The following MATCAP2 variants were observed in gnomAD, a reference collection of about 807,000 sequenced individuals.
MATCAP2 encodes the protein putative tyrosine carboxypeptidase MATCAP2.
chr7:36,373,924 A>G, the MATCAP2 span, among the ~76,000 whole-genome samples: 1 of 152,106 alleles, frequency 6.6e-6, no homozygotes, highest in Non-Finnish European at 1.5e-5. Context: ...AGCTGGGACT[A>G]CAGGTGCCAG....
At chr7:36,357,456 T>A in the MATCAP2 span, 1 of 1,614,110 alleles carries the variant, frequency 6.2e-7, no homozygotes, top group East Asian at 2.2e-5. Flanking sequence ...TAACTACTGG[T>A]TCCAGTTGTG....
chr7:36,374,348 G>C, the MATCAP2 span, among the ~76,000 whole-genome samples: 1 of 151,860 alleles, frequency 6.6e-6, no homozygotes, highest in Non-Finnish European at 1.5e-5. Context: ...CCAAAGTGCT[G>C]GGATTATAGG....
the MATCAP2 span, among the ~76,000 whole-genome samples, chr7:36,351,585 G>A: frequency 6.6e-6 from 1 of 151,896 alleles, no homozygotes; most frequent in African/African-American, 2.4e-5. Context: ...ATATATCTGA[G>A]GTTTCCAATA....
At chr7:36,379,843 C>CAGAGAGAGAGAGAGAGAG in the MATCAP2 span, among the ~76,000 whole-genome samples, 10 of 127,472 alleles carry the variant, frequency 7.8e-5, no homozygotes, top group East Asian at 2.7e-4. Flanking sequence ...CACACACACA[C>CAGAGAGAGAGAGAGAGAG]ACACAGAGAG....
chr7:36,349,180 A>G, the MATCAP2 span, among the ~76,000 whole-genome samples: 1 of 152,142 alleles, frequency 6.6e-6, no homozygotes, highest in East Asian at 1.9e-4. Flanking sequence ...TTTTTTGAAG[A>G]GGTGAGATGA....
the MATCAP2 span, among the ~76,000 whole-genome samples, chr7:36,387,871 G>A: frequency 6.6e-6 from 1 of 152,070 alleles, no homozygotes; most frequent in Non-Finnish European, 1.5e-5. Flanking sequence ...TTCCAACGTT[G>A]TTTAAAACAC....
chr7:36,345,431 G>C, the MATCAP2 span, among the ~76,000 whole-genome samples: 5 of 151,914 alleles, frequency 3.3e-5, no homozygotes, highest in Admixed American at 3.3e-4. Flanking sequence ...CAGAGACCTG[G>C]AATCTAGAGC....
chr7:36,390,226 G>T, the MATCAP2 span: 3 of 941,390 alleles, frequency 3.2e-6, no homozygotes, highest in Admixed American at 5.2e-5. Flanking sequence ...GTTCCTCTGA[G>T]ATTTTGTTGT....
the MATCAP2 span, among the ~76,000 whole-genome samples, chr7:36,386,194 G>T: frequency 6.6e-6 from 1 of 151,990 alleles, no homozygotes; most frequent in Admixed American, 6.6e-5. Flanking sequence ...GATAAAAGTG[G>T]CATTACAGGT....
the MATCAP2 span, among the ~76,000 whole-genome samples, chr7:36,342,629 T>C: frequency 6.6e-6 from 1 of 152,002 alleles, no homozygotes; most frequent in Non-Finnish European, 1.5e-5. Context: ...TGAGTAATTT[T>C]TTTGTTTGTT....
chr7:36,349,764 G>A, the MATCAP2 span, among the ~76,000 whole-genome samples: 1 of 152,178 alleles, frequency 6.6e-6, no homozygotes, highest in Non-Finnish European at 1.5e-5. Flanking sequence ...GTAAGAACCT[G>A]AGAATGTACA....
the MATCAP2 span, among the ~76,000 whole-genome samples, chr7:36,360,760 G>A: frequency 1.3e-5 from 2 of 152,064 alleles, no homozygotes; most frequent in African/African-American, 4.8e-5. Context: ...AACACTAAGA[G>A]GCCGATAACA....
chr7:36,379,872 A>AGAGAGG, the MATCAP2 span, among the ~76,000 whole-genome samples: 1 of 151,562 alleles, frequency 6.6e-6, no homozygotes, highest in African/African-American at 2.4e-5. Context: ...AGAGAGAGAG[A>AGAGAGG]GAGAATATAA....
the MATCAP2 span, chr7:36,355,057 T>C: frequency 1.3e-5 from 2 of 152,244 alleles, no homozygotes; most frequent in Non-Finnish European, 2.9e-5. Flanking sequence ...CAGCCATCTC[T>C]TTCAGCATCA....
the MATCAP2 span, among the ~76,000 whole-genome samples, chr7:36,327,541 A>G: frequency 1.3e-5 from 2 of 152,362 alleles, no homozygotes; most frequent in East Asian, 3.9e-4. Flanking sequence ...TGTGTGAGAG[A>G]GACTCTAAAA....
chr7:36,362,479 T>C, the MATCAP2 span, among the ~76,000 whole-genome samples: 1 of 152,228 alleles, frequency 6.6e-6, no homozygotes, highest in African/African-American at 2.4e-5. Context: ...GTAGTCTAGA[T>C]ACCCTTGATG....
chr7:36,332,098 T>A, the MATCAP2 span, among the ~76,000 whole-genome samples: 7 of 152,258 alleles, frequency 4.6e-5, 1 homozygote, highest in Admixed American at 2.6e-4. Flanking sequence ...TTGTATACAT[T>A]TGAAATTTTC....
At chr7:36,347,611 TGTG>T in the MATCAP2 span, among the ~76,000 whole-genome samples, 2 of 152,220 alleles carry the variant, frequency 1.3e-5, no homozygotes, top group African/African-American at 4.8e-5. Flanking sequence ...CCCACAGAGT[TGTG>T]AAGACAAAAT....
At chr7:36,366,255 T>C in the MATCAP2 span, among the ~76,000 whole-genome samples, 1 of 152,184 alleles carries the variant, frequency 6.6e-6, no homozygotes, top group East Asian at 1.9e-4. Flanking sequence ...TCTAATATTA[T>C]GTAAGGTTTT....
Sources: allele counts gnomAD v4.1 joint callset (sites outside exome capture counted in the v4.1 genomes callset), GRCh38; gene constraint gnomAD v4.1.1; transcripts MANE v1.5; gene names NCBI Gene and HGNC (gene_info 2026-07-23, HGNC 2026-07-21).